Variants in MME observed in about 807,000 individuals in gnomAD.
The protein encoded by MME is neprilysin.
A neutral mutation model predicts 113.2 loss-of-function variants in MME; 98 were observed. The ratio of observed to expected loss-of-function variants is 0.87; its 90% CI spans 0.74 to 1.02. The LOEUF is 1.02. Among genes scored for constraint, MME ranks in the 50% least tolerant of loss-of-function variants. The probability of loss-of-function intolerance (pLI) is 0.00; values close to 1 mark genes in which losing one functional copy is unlikely to be tolerated. For missense variants in MME, 836 were observed against 896.0 expected, an observed-to-expected ratio of 0.93 and a Z score of 0.86; for synonymous variants, 292 against 300.6, an observed-to-expected ratio of 0.97 and a Z score of 0.30.
At chr3:155,084,064 T>C in intron 1 of MME, 94 bp from the exon 2 acceptor site, 1 of 1,144,860 alleles carries the variant, frequency 8.7e-7, no homozygotes, top group Non-Finnish European at 1.3e-6. Context: ...TTAAAATAAC[T>C]GAGCCTTTTA....
At chr3:155,127,736 G>A (rs1020280277) in intron 8 of MME, among the ~76,000 whole-genome samples, 6 of 152,218 alleles carry the variant, frequency 3.9e-5, no homozygotes, top group African/African-American at 1.2e-4. Context: ...TAGAGTTTAT[G>A]AGTGAGAAAT....
At chr3:155,169,362 G>A (rs565665721) in intron 20 of MME, among the ~76,000 whole-genome samples, 1 of 152,132 alleles carries the variant, frequency 6.6e-6, no homozygotes, top group South Asian at 2.1e-4. Context: ...TGGAGCATCC[G>A]TTAGAATCCC....
At chr3:155,146,862 A>G (rs771165657) in intron 14 of MME, among the ~76,000 whole-genome samples, 8 of 152,188 alleles carry the variant, frequency 5.3e-5, no homozygotes, top group Non-Finnish European at 1.0e-4. Context: ...AAAGTACAAA[A>G]TATGTGGAAC....
At chr3:155,124,983 C>A (rs542748902) in intron 8 of MME, among the ~76,000 whole-genome samples, 1 of 152,312 alleles carries the variant, frequency 6.6e-6, no homozygotes, top group South Asian at 2.1e-4. Flanking sequence ...TTTACCTAAG[C>A]AAGCCTGGGC....
chr3:155,086,842 T>C (rs1014453005), intron 3 of MME, among the ~76,000 whole-genome samples: 20 of 152,302 alleles, frequency 1.3e-4, no homozygotes, highest in Admixed American at 1.3e-3. Context: ...TCTTGCTCTG[T>C]CACCCAGGCT....
chr3:155,025,875 A>T (rs1369655987), intron 1 of MME, among the ~76,000 whole-genome samples: 1 of 150,956 alleles, frequency 6.6e-6, no homozygotes, highest in Non-Finnish European at 1.5e-5. Flanking sequence ...TTATATTTTT[A>T]GTAGAGATGG....
chr3:155,076,387 C>T (rs979320887), upstream of MME, among the ~76,000 whole-genome samples: 5 of 152,194 alleles, frequency 3.3e-5, no homozygotes, highest in Admixed American at 2.0e-4. Flanking sequence ...TCCCTTGGCA[C>T]TTGCAAGTCC....
intron 22 of MME, among the ~76,000 whole-genome samples, 186 bp downstream of exon 22, chr3:155,172,798 C>A (rs1366205374): frequency 6.6e-6 from 1 of 151,140 alleles, no homozygotes; most frequent in African/African-American, 2.4e-5. Context: ...ATAGCCTTGG[C>A]CACTCTCTTT....
At chr3:155,147,464 G>A (rs540781211) in intron 15 of MME, among the ~76,000 whole-genome samples, 9 of 152,266 alleles carry the variant, frequency 5.9e-5, no homozygotes, top group South Asian at 2.1e-4. Context: ...AGAACCGTAA[G>A]TAAAATCTGG....
chr3:155,086,485 G>T (rs1207367261), intron 3 of MME, among the ~76,000 whole-genome samples: 1 of 152,118 alleles, frequency 6.6e-6, no homozygotes, highest in Non-Finnish European at 1.5e-5. Context: ...AGAGGTTCAA[G>T]GGCTAAACTT....
In MME at chr3:155,180,713, T is replaced by C; in HGVS notation, c.*254T>C. On this transcript the variant is annotated 3_prime_UTR_variant, in exon 23 of 23. Transcript: ENST00000360490. ...AATGCTTAATTTCTAAAGATAATAT[T>C]ACTGTTTATTTCTGTTTCTCATATG... 1 of 446,016 alleles carries C rather than the reference T, an allele frequency of 2.2e-6. No homozygotes were observed. Among genetic ancestry groups the C allele is most frequent in the Non-Finnish European group, 4.2e-6 (1 of 239,882 alleles). The allele number at this position is 446,016 out of a possible 1,614,324, so 27.6% of individuals were successfully genotyped here. A position where few individuals can be genotyped will look rare whatever the true frequency, so the allele number is the denominator to read the frequency against.
chr3:155,116,537 G>A lies in MME; in HGVS notation c.417G>A (p.Leu139=). Residue 139 remains leucine, a synonymous_variant, in exon 5 of 23, where the codon TTG becomes TTA. Transcript: ENST00000360490. ...DIVAVQKAKA[L]YRSCINESAI... is the part of the protein sequence containing the mutation. ...TAGCAGTGCAGAAAGCAAAAGCATTGTACAGGTCTTGTATAAATGAATGTA... is the reference window on the plus strand; with the variant it reads ...TAGCAGTGCAGAAAGCAAAAGCATTATACAGGTCTTGTATAAATGAATGTA... The A allele has an allele frequency of 6.2e-7, 1 of 1,611,458 alleles. No homozygotes were observed. Among genetic ancestry groups the A allele is most frequent in the Non-Finnish European group, 8.5e-7 (1 of 1,178,298 alleles).
At chr3:155,149,454 T>A (rs2108327535) in intron 16 of MME, among the ~76,000 whole-genome samples, 1 of 152,242 alleles carries the variant, frequency 6.6e-6, no homozygotes, top group Middle Eastern at 3.4e-3. Context: ...TAACTTGATT[T>A]GTGTGGTAAC....
chr3:155,071,479 T>A (rs993377239), intron 1 of MME, among the ~76,000 whole-genome samples: 1 of 152,230 alleles, frequency 6.6e-6, no homozygotes, highest in African/African-American at 2.4e-5. Flanking sequence ...TATAGGGTAT[T>A]TTTTCTTGAA....
At chr3:155,139,750 A>C (rs1720912069) in intron 9 of MME, among the ~76,000 whole-genome samples, 1 of 152,170 alleles carries the variant, frequency 6.6e-6, no homozygotes, top group Admixed American at 6.5e-5. Context: ...AAACTCTTGC[A>C]CCTTTTTTTC....
chr3:155,140,141 T>C (rs754901055), intron 9 of MME, 50 bp from the exon 10 acceptor site: 1 of 1,323,186 alleles, frequency 7.6e-7, no homozygotes, highest in East Asian at 2.5e-5. Context: ...AGTTATATTT[T>C]TCTAAAGAAT....
rs1287459404 is a variant in MME, at chr3:155,115,197, A to C, written c.358+42A>C. Reference sequence around the variant, plus strand: ...TCTGTGCATCAAAGATTTCTCTCTTAATATGTTCATTTTTTAAATATACAA... The same window carrying C: ...TCTGTGCATCAAAGATTTCTCTCTTCATATGTTCATTTTTTAAATATACAA... On this transcript the variant is annotated intron_variant, in intron 4 of 22. Coordinates refer to ENST00000360490, the MANE Select transcript of MME (RefSeq NM_007289.4). 3 of 1,603,032 alleles carry C rather than the reference A, an allele frequency of 1.9e-6. No individual in the cohort carries two copies. The African/African-American group carries it at 4.0e-5, about 21-fold the overall frequency.
At position 155,068,888 on chromosome 3, in the gene MME, G is replaced by C. The variant is rs138299899; in HGVS notation, c.-10-15270G>C. ...ATAGAATTTCTGCTGCCTAATGTTG[G>C]CTTTGGAAATAAAGTGTAGGGAAAA... On this transcript the variant is annotated intron_variant, in intron 1 of 22. Transcript: ENST00000492661. Among the ~76,000 whole-genome samples, 5 of 152,282 alleles carry C rather than the reference G, an allele frequency of 3.3e-5. No individual in the cohort carries two copies. In the East Asian group the frequency reaches 9.6e-4, roughly 29 times the overall value.
intron 1 of MME, among the ~76,000 whole-genome samples, chr3:155,044,389 T>C (rs1392877066): frequency 6.6e-6 from 1 of 152,094 alleles, no homozygotes; most frequent in Non-Finnish European, 1.5e-5. Context: ...TGCCTCGGCC[T>C]CCCAGAGTAC....
Sources: allele counts gnomAD v4.1 joint callset (sites outside exome capture counted in the v4.1 genomes callset), GRCh38; gene constraint gnomAD v4.1.1; transcripts MANE v1.5; gene names NCBI Gene and HGNC (gene_info 2026-07-23, HGNC 2026-07-21).